The following NEDD9 variants were observed in gnomAD, a reference collection of about 807,000 sequenced individuals.
The protein encoded by NEDD9 is enhancer of filamentation 1.
NEDD9 carries 26 observed loss-of-function variants against 76.6 expected under a neutral mutation model. The ratio of observed to expected loss-of-function variants is 0.34; its 90% CI spans 0.25 to 0.47. The LOEUF (loss-of-function observed/expected upper bound fraction) is 0.47. Ranked by LOEUF, NEDD9 falls within the 20% of genes least tolerant of loss-of-function variation. The pLI is 1.00. For missense variants in NEDD9, 937 were observed against 1,058.5 expected, an observed-to-expected ratio of 0.89 and a Z score of 1.59; for synonymous variants, 392 against 414.2, an observed-to-expected ratio of 0.95 and a Z score of 0.65.
chr6:11,251,347 A>C (rs978649802), intron 3 of NEDD9: 1 of 152,196 alleles, frequency 6.6e-6, no homozygotes, highest in African/African-American at 2.4e-5. Context: ...CAGAGAGCTT[A>C]ATATTAAACA....
chr6:11,368,910 A>G (rs1762813058), intron 1 of NEDD9, among the ~76,000 whole-genome samples: 1 of 152,208 alleles, frequency 6.6e-6, no homozygotes, highest in Admixed American at 6.5e-5. Flanking sequence ...ATACCACTTT[A>G]GGTGCTGTGT....
chr6:11,254,443 G>A (rs1352341670), intron 3 of NEDD9, among the ~76,000 whole-genome samples: 1 of 151,984 alleles, frequency 6.6e-6, no homozygotes, highest in Non-Finnish European at 1.5e-5. Context: ...AATATAACTG[G>A]GAGCCCTGTA....
At chr6:11,227,241 G>A (rs1759333710) in intron 1 of NEDD9, among the ~76,000 whole-genome samples, 1 of 152,140 alleles carries the variant, frequency 6.6e-6, no homozygotes, top group Admixed American at 6.5e-5. Flanking sequence ...TAGTAACTGG[G>A]ATTTTGACAT....
intron 1 of NEDD9, among the ~76,000 whole-genome samples, chr6:11,219,705 C>T (rs950455027): frequency 2.6e-5 from 4 of 152,238 alleles, no homozygotes; most frequent in Non-Finnish European, 4.4e-5. Context: ...GAAAGGCTCA[C>T]GTGCTTTTGT....
intron 3 of NEDD9, among the ~76,000 whole-genome samples, chr6:11,259,676 A>G (rs573909892): frequency 1.3e-5 from 2 of 152,192 alleles, no homozygotes; most frequent in African/African-American, 4.8e-5. Flanking sequence ...AGTCTGAAAC[A>G]TATTCATTCA....
intron 3 of NEDD9, among the ~76,000 whole-genome samples, chr6:11,271,070 A>G (rs1180136312): frequency 6.6e-6 from 1 of 152,084 alleles, no homozygotes; most frequent in African/African-American, 2.4e-5. Context: ...GTCTCACTCT[A>G]TCTTCCAGGC....
intron 2 of NEDD9, among the ~76,000 whole-genome samples, chr6:11,319,514 T>C (rs989385791): frequency 4.0e-5 from 4 of 99,866 alleles, no homozygotes. Flanking sequence ...ACACACACAC[T>C]AACATGCACA....
chr6:11,203,634 A>G (rs572716890), intron 2 of NEDD9, among the ~76,000 whole-genome samples: 6 of 152,318 alleles, frequency 3.9e-5, no homozygotes, highest in African/African-American at 1.2e-4. Context: ...TACATAGGGG[A>G]AAATGGGCAG....
chr6:11,260,490 A>C (rs1425111194), intron 3 of NEDD9, among the ~76,000 whole-genome samples: 1 of 152,236 alleles, frequency 6.6e-6, no homozygotes, highest in Non-Finnish European at 1.5e-5. Context: ...AGATGTTGTC[A>C]CAATAGACAG....
intron 1 of NEDD9, among the ~76,000 whole-genome samples, chr6:11,223,849 C>A (rs2281874): frequency 0.34 from 52,087 of 151,916 alleles, 9,867 homozygotes; most frequent in East Asian, 0.53. Context: ...ATTTACAAGT[C>A]AATGAAAAAA....
At chr6:11,291,640 C>T (rs575248638) in intron 3 of NEDD9, among the ~76,000 whole-genome samples, 1 of 152,286 alleles carries the variant, frequency 6.6e-6, no homozygotes, top group East Asian at 1.9e-4. Context: ...GGATATTGTA[C>T]TCAAAGGTGC....
At chr6:11,325,671 C>T (rs1017762878) in intron 2 of NEDD9, among the ~76,000 whole-genome samples, 5 of 152,190 alleles carry the variant, frequency 3.3e-5, no homozygotes, top group South Asian at 4.1e-4. Flanking sequence ...AGAAAAAAAG[C>T]GGCTTTTATT....
At chr6:11,232,460 C>T in intron 1 of NEDD9, 44 bp downstream of exon 1, 1 of 1,613,292 alleles carries the variant, frequency 6.2e-7, no homozygotes, top group East Asian at 2.2e-5. Flanking sequence ...CCCGCAGGCA[C>T]AGCTTTCAGC....
At chr6:11,277,369 C>G (rs994864972) in intron 3 of NEDD9, among the ~76,000 whole-genome samples, 3 of 152,072 alleles carry the variant, frequency 2.0e-5, no homozygotes, top group Non-Finnish European at 4.4e-5. Flanking sequence ...GACAAAAGGT[C>G]AACATTCATG....
At chr6:11,236,368 G>A (rs990425952), upstream of NEDD9, among the ~76,000 whole-genome samples, 1 of 152,144 alleles carries the variant, frequency 6.6e-6, no homozygotes, top group South Asian at 2.1e-4. The surrounding 1 kb of genome is among the most constrained non-coding windows in gnomAD (Gnocchi z 5.5). Context: ...AAATGGCACC[G>A]GATGCCATTC....
chr6:11,330,647 G>T (rs189983715), intron 2 of NEDD9, among the ~76,000 whole-genome samples: 4 of 152,304 alleles, frequency 2.6e-5, no homozygotes, highest in Admixed American at 2.6e-4. Context: ...CCGTGACAAA[G>T]GGCAGCCTGT....
intron 1 of NEDD9, among the ~76,000 whole-genome samples, chr6:11,217,484 C>T (rs1275077290): frequency 6.6e-6 from 1 of 152,186 alleles, no homozygotes; most frequent in African/African-American, 2.4e-5. Context: ...AGCTATGTAA[C>T]TCTATATTCA....
intron 1 of NEDD9, among the ~76,000 whole-genome samples, chr6:11,359,019 G>T (rs1418683268): frequency 6.6e-6 from 1 of 152,188 alleles, no homozygotes; most frequent in Non-Finnish European, 1.5e-5. Flanking sequence ...TAGGAGACAC[G>T]TTAAGTCTGA....
At chr6:11,247,766 A>AAAG (rs1398615970) in intron 3 of NEDD9, among the ~76,000 whole-genome samples, 1 of 152,258 alleles carries the variant, frequency 6.6e-6, no homozygotes, top group Non-Finnish European at 1.5e-5. Flanking sequence ...AGATGACTTC[A>AAAG]GTCGCATGAA....
Sources: gnomAD v4.1 joint callset for allele counts (sites outside exome capture counted in the v4.1 genomes callset) on GRCh38, gnomAD v4.1.1 for gene constraint, Gnocchi (gnomAD v3.1) non-coding constraint, MANE v1.5 for transcripts, NCBI Gene and HGNC (gene_info 2026-07-23, HGNC 2026-07-21) for gene names.